DMC1: variants seen among roughly 807,000 people sequenced by gnomAD.
The protein encoded by DMC1 is DNA meiotic recombinase 1, also known as meiotic recombination protein DMC1 homolog.
DMC1 carries 27 observed loss-of-function variants against 50.1 expected under a neutral mutation model. The observed-to-expected ratio is 0.54, with a 90% CI of 0.40 to 0.74. DMC1 has a LOEUF of 0.74. Ranked by LOEUF, DMC1 falls within the 30% of genes least tolerant of loss-of-function variation. The probability of loss-of-function intolerance (pLI) is 0.00; values close to 1 mark genes in which losing one functional copy is unlikely to be tolerated. For synonymous variants in DMC1, 148 were observed against 136.1 expected (o/e 1.09, Z -0.61); for missense variants, 295 against 420.2 (o/e 0.70, Z 2.60).
intron 12 of DMC1, among the ~76,000 whole-genome samples, chr22:38,525,744 C>A (rs1440340409): frequency 6.6e-6 from 1 of 152,068 alleles, no homozygotes; most frequent in Non-Finnish European, 1.5e-5. Flanking sequence ...AGTTCAAGAC[C>A]AGTCTGGACA....
rs935905070 is a variant in DMC1 at position 38,537,772 on chromosome 22, CAT to C, written c.776-122_776-121del. ...CATGAATTTATTTTATAAATAACAT[CAT>C]ATTCCTATTTTTCATTGACAACAGA... On this transcript the variant is annotated intron_variant, in intron 11 of 13. Transcript: ENST00000216024. 7 of 697,256 alleles carry C rather than the reference CAT, an allele frequency of 1.0e-5. No homozygotes were observed. The Admixed American group carries it at 1.7e-4, about 17-fold the overall frequency. 43.2% of individuals were successfully genotyped at this position (697,256 alleles called of 1,614,324 possible). A position where few individuals can be genotyped will look rare whatever the true frequency, so the allele number is the denominator to read the frequency against.
intron 12 of DMC1, among the ~76,000 whole-genome samples, chr22:38,530,698 A>G (rs535300670): frequency 3.9e-5 from 6 of 152,326 alleles, no homozygotes; most frequent in African/African-American, 1.4e-4. Flanking sequence ...CAAGGTCACT[A>G]TGCTAGTGAC....
At position 38,549,741 on chromosome 22, in the gene DMC1, A is replaced by G. The variant is rs2090383306; in HGVS notation, c.494+184T>C. On this transcript the variant is annotated intron_variant, in intron 8 of 13. Coordinates refer to ENST00000216024, the MANE Select transcript of DMC1 (RefSeq NM_007068.4). ...TTTTGTCTCATAAACCCATATGAAGAAGTGAAACCTCATTAAATACAAAGT... is the reference window on the plus strand; with the variant it reads ...TTTTGTCTCATAAACCCATATGAAGGAGTGAAACCTCATTAAATACAAAGT... 3 of 585,368 alleles carry G rather than the reference A, an allele frequency of 5.1e-6. No homozygotes were observed. The South Asian group carries it at 7.0e-5, about 14-fold the overall frequency. The allele number at this position is 585,368 out of a possible 1,614,324, so 36.3% of individuals were successfully genotyped here.
intron 8 of DMC1, chr22:38,545,958 A>G (rs73886955): frequency 6.6e-6 from 1 of 152,372 alleles, no homozygotes; most frequent in African/African-American, 2.4e-5. Flanking sequence ...AGACAGCAGT[A>G]TAAGTATGAG....
At chr22:38,523,823 G>T (rs1337603636) in intron 12 of DMC1, among the ~76,000 whole-genome samples, 1 of 152,104 alleles carries the variant, frequency 6.6e-6, no homozygotes, top group Non-Finnish European at 1.5e-5. Context: ...ACAATTCCAA[G>T]GGGAATATTG....
intron 6 of DMC1, among the ~76,000 whole-genome samples, chr22:38,552,937 TC>T (rs2090428493): frequency 6.6e-6 from 1 of 151,648 alleles, no homozygotes; most frequent in Non-Finnish European, 1.5e-5. Context: ...AACCTTCACC[TC>T]CCGGGTTCAA....
chr22:38,551,976 T>C (rs1023719892), intron 7 of DMC1, among the ~76,000 whole-genome samples: 2 of 148,028 alleles, frequency 1.4e-5, no homozygotes, highest in African/African-American at 5.0e-5. Flanking sequence ...TTCTCCTGCC[T>C]CAGCCTCCCC....
the DMC1 span, among the ~76,000 whole-genome samples, chr22:38,510,952 C>G: frequency 3.9e-5 from 6 of 152,198 alleles, no homozygotes; most frequent in Non-Finnish European, 8.8e-5. Context: ...CACTCCTCAA[C>G]CAGCTCTTCT....
intron 5 of DMC1, among the ~76,000 whole-genome samples, chr22:38,556,537 T>C (rs966508988): frequency 1.3e-5 from 2 of 152,246 alleles, no homozygotes; most frequent in African/African-American, 4.8e-5. Flanking sequence ...TTGTAGGTAA[T>C]GCTAGCAGTT....
In DMC1 at chr22:38,542,827, A is replaced by G. The variant is rs542131228; in HGVS notation, c.495-3415T>C. Among the ~76,000 whole-genome samples, 8 of 152,324 alleles carry G rather than the reference A, an allele frequency of 5.3e-5. No homozygotes were observed. The East Asian group carries it at 1.3e-3, about 26-fold the overall frequency. ...TATACTATAGAGCTATAGTATCCAA[A>G]ACAGCACGGTATGGGCATAAAAACA... is the stretch of plus-strand genomic sequence containing the variant. On this transcript the variant is annotated intron_variant, in intron 8 of 13. Coordinates refer to ENST00000216024, the MANE Select transcript of DMC1 (RefSeq NM_007068.4).
intron 12 of DMC1, among the ~76,000 whole-genome samples, chr22:38,530,474 G>C (rs2090141520): frequency 1.3e-5 from 2 of 151,906 alleles, no homozygotes. Flanking sequence ...TTTTTTGCGG[G>C]GGGAGGTGAG....
At position 38,519,942 on chromosome 22, in the gene DMC1, G is replaced by C. The variant is rs1439389735; in HGVS notation, c.*78C>G. 1.7e-6 allele frequency: 2 copies of C among 1,170,848 alleles called. No individual in the cohort carries two copies. Among genetic ancestry groups the C allele is most frequent in the Admixed American group, 1.7e-5 (1 of 58,910 alleles). 72.5% of individuals were successfully genotyped at this position (1,170,848 alleles called of 1,614,324 possible). ...ATGTGGGAAAAAACCTCTATTTCAA[G>C]ATGTGAAATTGGAGACTGCTTTTCC... On this transcript the variant is annotated 3_prime_UTR_variant, in exon 14 of 14. Transcript: ENST00000216024.
intron 12 of DMC1, among the ~76,000 whole-genome samples, chr22:38,523,373 C>A (rs1218570563): frequency 1.3e-5 from 2 of 152,096 alleles, no homozygotes; most frequent in Non-Finnish European, 2.9e-5. Context: ...ACAGGTGGTT[C>A]TTCATGGTTT....
downstream of DMC1, among the ~76,000 whole-genome samples, chr22:38,517,974 CTTT>C (rs1195079895): frequency 1.4e-5 from 2 of 142,374 alleles, no homozygotes; most frequent in African/African-American, 2.6e-5. Flanking sequence ...TGGAATTTTA[CTTT>C]TTTTTTTTTT....
chr22:38,529,597 G>T (rs1030457847), intron 12 of DMC1, among the ~76,000 whole-genome samples: 34 of 152,240 alleles, frequency 2.2e-4, no homozygotes, highest in African/African-American at 8.2e-4. Context: ...GTCAAATTAG[G>T]ATGCTGGGGT....
At chr22:38,564,916 C>T (rs546762337) in intron 4 of DMC1, among the ~76,000 whole-genome samples, 8 of 152,198 alleles carry the variant, frequency 5.3e-5, no homozygotes, top group African/African-American at 1.9e-4. Context: ...TCGGTTGAGT[C>T]CCCTCCAAGT....
rs761265950 is a variant in DMC1, at chr22:38,552,718, C to T, written c.380-11G>A. On this transcript the variant is annotated splice_polypyrimidine_tract_variant and intron_variant, in intron 6 of 13. Transcript: ENST00000216024. The stretch of plus-strand genomic sequence containing the variant: ...TTCCAGTACGAAATTCTGTGAAATA[C>T]AGAAAAAAATGATTTTAAAAATGCA... 3.2e-6 allele frequency: 5 copies of T among 1,567,958 alleles called. No homozygotes were observed. The highest frequency in any genetic ancestry group is 1.4e-5 in the African/African-American group (1 of 73,912).
intron 8 of DMC1, among the ~76,000 whole-genome samples, chr22:38,539,888 A>G (rs2090261635): frequency 6.6e-6 from 1 of 152,212 alleles, no homozygotes; most frequent in African/African-American, 2.4e-5. Flanking sequence ...ATAACTGCAA[A>G]GTGAATTAAT....
intron 5 of DMC1, among the ~76,000 whole-genome samples, chr22:38,556,332 G>C (rs1445729435): frequency 6.6e-6 from 1 of 152,112 alleles, no homozygotes; most frequent in African/African-American, 2.4e-5. Flanking sequence ...AGGCTCAAGA[G>C]ATCTGCCCAC....
Sources: allele counts gnomAD v4.1 joint callset (sites outside exome capture counted in the v4.1 genomes callset), GRCh38; gene constraint gnomAD v4.1.1; transcripts MANE v1.5; gene names NCBI Gene and HGNC (gene_info 2026-07-23, HGNC 2026-07-21).